IQCM: variants seen among roughly 807,000 people sequenced by gnomAD.
IQCM encodes IQ domain-containing protein M.
Under a neutral mutation model 57.6 loss-of-function variants are expected in IQCM, and 45 were observed. That is an observed-to-expected ratio of 0.78 (90% CI 0.62 to 1.00). The LOEUF is 1.00. Among genes scored for constraint, IQCM ranks in the 50% least tolerant of loss-of-function variants. The probability of loss-of-function intolerance (pLI) is 0.00; values close to 1 mark genes in which losing one functional copy is unlikely to be tolerated. For synonymous variants in IQCM, 148 were observed against 158.9 expected (o/e 0.93, Z 0.51); for missense variants, 468 against 511.6 (o/e 0.91, Z 0.82).
At chr4:149,672,959 G>C (rs1015077965) in intron 7 of IQCM, among the ~76,000 whole-genome samples, 2 of 152,116 alleles carry the variant, frequency 1.3e-5, no homozygotes, top group Non-Finnish European at 2.9e-5. Flanking sequence ...CAGAAGAGTG[G>C]GGGCCAATAT....
At chr4:149,789,165 A>G (rs72961791) in intron 2 of IQCM, among the ~76,000 whole-genome samples, 22,324 of 152,190 alleles carry the variant, frequency 0.15, 1,677 homozygotes, top group Middle Eastern at 0.19. Context: ...AATGTTCCCA[A>G]CACATGGAAA....
chr4:149,553,756 G>T (rs1749267420), intron 10 of IQCM, among the ~76,000 whole-genome samples: 1 of 151,590 alleles, frequency 6.6e-6, no homozygotes, highest in Non-Finnish European at 1.5e-5. Flanking sequence ...TTTTTTTGTT[G>T]TTGTTGATTT....
intron 2 of IQCM, among the ~76,000 whole-genome samples, chr4:149,764,649 A>C (rs1375559170): frequency 6.6e-6 from 1 of 152,106 alleles, no homozygotes; most frequent in African/African-American, 2.4e-5. Flanking sequence ...GCCTTTTGTC[A>C]GTTGATTTTC....
chr4:149,499,789 AAG>A (rs1743049231), intron 12 of IQCM, among the ~76,000 whole-genome samples: 1 of 152,218 alleles, frequency 6.6e-6, no homozygotes, highest in African/African-American at 2.4e-5. Context: ...GTAATGAAGA[AAG>A]GAAACATAGA....
intron 7 of IQCM, among the ~76,000 whole-genome samples, chr4:149,648,776 A>C (rs1040408814): frequency 1.3e-5 from 2 of 152,146 alleles, no homozygotes; most frequent in Non-Finnish European, 2.9e-5. Flanking sequence ...GAGGGATAGC[A>C]TTAGCAGATA....
chr4:149,417,245 T>C (rs1733808126), intron 13 of IQCM, among the ~76,000 whole-genome samples: 1 of 152,178 alleles, frequency 6.6e-6, no homozygotes, highest in Admixed American at 6.5e-5. Context: ...GATCACATGT[T>C]GTCGGAACAT....
intron 5 of IQCM, among the ~76,000 whole-genome samples, chr4:149,729,974 C>T (rs1766312324): frequency 6.6e-6 from 1 of 152,086 alleles, no homozygotes. Context: ...TAATAATTCC[C>T]AAAGCAAGCC....
intron 7 of IQCM, among the ~76,000 whole-genome samples, chr4:149,642,521 A>G (rs1215539254): frequency 6.6e-6 from 1 of 152,170 alleles, no homozygotes; most frequent in Admixed American, 6.5e-5. Flanking sequence ...CCTTCAGCAA[A>G]TAAGAGATAT....
intron 7 of IQCM, among the ~76,000 whole-genome samples, chr4:149,638,155 AT>A (rs1757881073): frequency 6.6e-6 from 1 of 152,196 alleles, no homozygotes; most frequent in Admixed American, 6.5e-5. Context: ...AAATAGACAA[AT>A]AAAAAATATG....
intron 13 of IQCM, among the ~76,000 whole-genome samples, chr4:149,399,254 C>A (rs1253621245): frequency 1.3e-5 from 2 of 152,000 alleles, no homozygotes; most frequent in African/African-American, 4.8e-5. Context: ...TCTTTTCACA[C>A]CACCCTACTT....
intron 7 of IQCM, among the ~76,000 whole-genome samples, chr4:149,650,941 C>T (rs961397132): frequency 2.6e-5 from 4 of 151,996 alleles, no homozygotes; most frequent in Admixed American, 2.6e-4. Flanking sequence ...TTGTAAATTG[C>T]GGAGGAAAAA....
At chr4:149,432,266 T>C (rs1157777896) in intron 13 of IQCM, among the ~76,000 whole-genome samples, 5 of 151,968 alleles carry the variant, frequency 3.3e-5, no homozygotes, top group Admixed American at 3.3e-4. Context: ...TGAGAAGTAG[T>C]ATTTCACTGT....
intron 7 of IQCM, chr4:149,666,216 A>G (rs1459600149): frequency 6.6e-6 from 1 of 152,132 alleles, no homozygotes; most frequent in Non-Finnish European, 1.5e-5. Context: ...GATTTTTCCA[A>G]CTGAGGTACC....
intron 8 of IQCM, among the ~76,000 whole-genome samples, chr4:149,603,814 A>G (rs1012293464): frequency 2.6e-5 from 4 of 152,094 alleles, no homozygotes; most frequent in Non-Finnish European, 5.9e-5. Context: ...AAATGTAGAC[A>G]ACATCCTAAA....
chr4:149,747,351 A>G (rs1768021912), intron 2 of IQCM, among the ~76,000 whole-genome samples: 1 of 152,208 alleles, frequency 6.6e-6, no homozygotes, highest in South Asian at 2.1e-4. Flanking sequence ...CAAGTCCCTT[A>G]TGTAAAATGC....
At chr4:149,767,606 T>C (rs953576238) in intron 2 of IQCM, among the ~76,000 whole-genome samples, 5 of 152,112 alleles carry the variant, frequency 3.3e-5, no homozygotes, top group African/African-American at 9.6e-5. Context: ...TAATATTTCC[T>C]GAACTGGACC....
intron 9 of IQCM, among the ~76,000 whole-genome samples, chr4:149,579,476 T>C (rs1751972447): frequency 6.6e-6 from 1 of 151,766 alleles, no homozygotes; most frequent in East Asian, 2.0e-4. Flanking sequence ...TTTTTTTCCA[T>C]CCAATTAGGC....
intron 7 of IQCM, among the ~76,000 whole-genome samples, chr4:149,668,530 G>A (rs757508297): frequency 1.6e-4 from 25 of 152,038 alleles, no homozygotes; most frequent in Non-Finnish European, 2.9e-4. Flanking sequence ...GCAAGGGGAG[G>A]GATAACGTTA....
intron 10 of IQCM, among the ~76,000 whole-genome samples, chr4:149,561,286 T>C (rs1750097703): frequency 6.6e-6 from 1 of 152,130 alleles, no homozygotes; most frequent in Non-Finnish European, 1.5e-5. Context: ...TCTTTCTCTC[T>C]CAATTTTTTA....
Sources: gnomAD v4.1 joint callset for allele counts (sites outside exome capture counted in the v4.1 genomes callset) on GRCh38, gnomAD v4.1.1 for gene constraint, MANE v1.5 for transcripts, NCBI Gene and HGNC (gene_info 2026-07-23, HGNC 2026-07-21) for gene names.